Variants in DPYSL3 observed in about 807,000 individuals in gnomAD.
The protein encoded by DPYSL3 is dihydropyrimidinase-related protein 3.
DPYSL3 carries 16 observed loss-of-function variants against 66.1 expected under a neutral mutation model. The observed-to-expected ratio is 0.24, with a 90% CI of 0.16 to 0.37. The LOEUF is 0.37. Ranked by LOEUF, DPYSL3 falls within the 10% of genes least tolerant of loss-of-function variation. The pLI is 1.00. For synonymous variants in DPYSL3, 338 were observed against 345.1 expected, an observed-to-expected ratio of 0.98 and a Z score of 0.23; for missense variants, 738 against 916.2, an observed-to-expected ratio of 0.81 and a Z score of 2.51.
intron 1 of DPYSL3, among the ~76,000 whole-genome samples, chr5:147,455,124 C>G (rs934201394): frequency 6.6e-6 from 1 of 152,160 alleles, no homozygotes; most frequent in Non-Finnish European, 1.5e-5. Context: ...GATGGCAATT[C>G]TAGACATCTT....
At chr5:147,422,429 G>A (rs1297516779) in intron 2 of DPYSL3, among the ~76,000 whole-genome samples, 1 of 152,162 alleles carries the variant, frequency 6.6e-6, no homozygotes, top group Non-Finnish European at 1.5e-5. Context: ...CAACCATTGT[G>A]GAAGACAGTG....
chr5:147,417,784 T>G (rs932043622), intron 3 of DPYSL3, among the ~76,000 whole-genome samples: 6 of 152,068 alleles, frequency 3.9e-5, no homozygotes, highest in African/African-American at 7.2e-5. Flanking sequence ...GAGAAACCAC[T>G]CCTACAGCTT....
At chr5:147,411,940 T>G (rs1751862402) in intron 6 of DPYSL3, among the ~76,000 whole-genome samples, 1 of 152,152 alleles carries the variant, frequency 6.6e-6, no homozygotes, top group African/African-American at 2.4e-5. Context: ...TCGGGCTGTC[T>G]CCTCCTAGCA....
chr5:147,401,459 G>T, intron 9 of DPYSL3, 81 bp downstream of exon 9: 1 of 1,455,858 alleles, frequency 6.9e-7, no homozygotes, highest in South Asian at 1.4e-5. Context: ...TTATAGATGG[G>T]ACTGCTCCTG....
intron 1 of DPYSL3, among the ~76,000 whole-genome samples, chr5:147,496,786 T>C (rs1753520401): frequency 6.6e-6 from 1 of 151,748 alleles, no homozygotes; most frequent in Non-Finnish European, 1.5e-5. Flanking sequence ...ATAGGAACAC[T>C]TTTACACTGT....
chr5:147,460,065 C>T (rs951969391), intron 1 of DPYSL3, among the ~76,000 whole-genome samples: 13 of 151,348 alleles, frequency 8.6e-5, no homozygotes, highest in Non-Finnish European at 1.9e-4. Flanking sequence ...GAGCCAGGAT[C>T]GAGCCACTGC....
At position 147,405,945 on chromosome 5, in the gene DPYSL3, A is replaced by C; in HGVS notation, c.1033-215T>G. On this transcript the variant is annotated intron_variant, in intron 7 of 13. Transcript: ENST00000343218. ...CCCAGTGCCTCTATCCCTCACTAGT[A>C]AAATAGTATAGCACAGCATTGTCAT... 1.0e-5 allele frequency: 5 copies of C among 482,880 alleles called. 1 individual carries two copies. The South Asian group carries it at 1.8e-4, about 17-fold the overall frequency. The allele number at this position is 482,880 out of a possible 1,614,324, so 29.9% of individuals were successfully genotyped here. A position where few individuals can be genotyped will look rare whatever the true frequency, so the allele number is the denominator to read the frequency against.
chr5:147,408,127 C>T (rs796750268), intron 7 of DPYSL3, among the ~76,000 whole-genome samples: 47 of 152,238 alleles, frequency 3.1e-4, no homozygotes, highest in African/African-American at 1.1e-3. Context: ...ACCCAGGCTG[C>T]CCTTCCAAAG....
chr5:147,509,569 T>C lies in DPYSL3; in HGVS notation c.290A>G (p.Glu97Gly). The C allele has an allele frequency of 1.3e-6, 2 of 1,535,132 alleles. No homozygotes were observed. The highest frequency in any genetic ancestry group is 1.7e-6 in the Non-Finnish European group (2 of 1,146,598). ...GGGGGCGGGGGAGGCGGGCGCGGGC[T>C]CCCTGCTCTCTTCCCGGCCTTGGCC... ...RRGQGREESR[E>G]PAPASPAPAG... is the part of the protein sequence containing the mutation. Residue 97 changes from glutamate to glycine, a missense_variant, in exon 1 of 14, where the codon GAG (glutamate) becomes GGG (glycine). Coordinates refer to ENST00000343218, the MANE Select transcript of DPYSL3 (RefSeq NM_001197294.2). The surrounding 1 kb of genome is among the most constrained non-coding windows in gnomAD (Gnocchi z 5.3).
At chr5:147,499,440 A>AC (rs889619914) in intron 1 of DPYSL3, among the ~76,000 whole-genome samples, 5 of 152,102 alleles carry the variant, frequency 3.3e-5, no homozygotes. Flanking sequence ...AATCTAGAAA[A>AC]CCCTGTGCAA....
chr5:147,433,175 C>T (rs1182982375), intron 1 of DPYSL3, among the ~76,000 whole-genome samples: 2 of 152,122 alleles, frequency 1.3e-5, no homozygotes, highest in African/African-American at 2.4e-5. Flanking sequence ...AGTATAGGTC[C>T]ATATGTGTCC....
Position 147,400,581 on chromosome 5 carries a change from G to A in DPYSL3, c.1452+111C>T, listed in dbSNP as rs1367651254. The A allele has an allele frequency of 6.8e-5, 96 of 1,402,228 alleles. 1 individual carries two copies. The highest frequency in any genetic ancestry group is 2.2e-5 in the Non-Finnish European group (23 of 1,027,270). The allele number at this position is 1,402,228 out of a possible 1,614,324, so 86.9% of individuals were successfully genotyped here. On this transcript the variant is annotated intron_variant, in intron 10 of 13. Coordinates refer to ENST00000343218, the MANE Select transcript of DPYSL3 (RefSeq NM_001197294.2). ...GTTCCAGAGACATCTCAGCAAGTAC[G>A]AGATCCCATCTGCACTCGCAGTGTC... is the stretch of plus-strand genomic sequence containing the variant.
chr5:147,438,422 G>T (rs1752453365), intron 1 of DPYSL3, among the ~76,000 whole-genome samples: 1 of 152,184 alleles, frequency 6.6e-6, no homozygotes, highest in Non-Finnish European at 1.5e-5. Flanking sequence ...AGACAAGTGG[G>T]TAGTTAATCC....
rs535949550 is a variant in DPYSL3 at position 147,492,812 on chromosome 5, G to A, written c.381+16666C>T. Among the ~76,000 whole-genome samples, 64 of 152,050 alleles carry A rather than the reference G, an allele frequency of 4.2e-4. 1 individual carries two copies. The highest frequency in any genetic ancestry group is 1.9e-4 in the East Asian group (1 of 5,180). The stretch of plus-strand genomic sequence containing the variant: ...ACAAATAGAATACATCAACAAATAC[G>A]GTATATATCCATCTATAATCCATCT... On this transcript the variant is annotated intron_variant, in intron 1 of 13. Coordinates refer to ENST00000343218, the MANE Select transcript of DPYSL3 (RefSeq NM_001197294.2).
intron 1 of DPYSL3, among the ~76,000 whole-genome samples, chr5:147,438,455 T>C (rs1008912073): frequency 6.6e-6 from 1 of 152,210 alleles, no homozygotes; most frequent in African/African-American, 2.4e-5. Flanking sequence ...TTTCTTCGCC[T>C]TCAATAAAGA....
At chr5:147,400,496 T>A (rs1166830811) in intron 10 of DPYSL3, among the ~76,000 whole-genome samples, 196 bp downstream of exon 10, 2 of 152,262 alleles carry the variant, frequency 1.3e-5, no homozygotes, top group Non-Finnish European at 2.9e-5. Flanking sequence ...TCCTTCAGAA[T>A]GCTAGGCCTT....
At chr5:147,405,575 A>G in intron 8 of DPYSL3, 35 bp downstream of exon 8, 1 of 1,595,830 alleles carries the variant, frequency 6.3e-7, no homozygotes. Context: ...ACACAGTGCC[A>G]TCAGGGGCTC....
intron 1 of DPYSL3, among the ~76,000 whole-genome samples, chr5:147,497,128 T>A (rs1183458428): frequency 6.6e-6 from 1 of 151,916 alleles, no homozygotes; most frequent in East Asian, 1.9e-4. Context: ...GAAACCATCA[T>A]TCTCAGCAAA....
intron 1 of DPYSL3, among the ~76,000 whole-genome samples, chr5:147,426,928 A>G (rs960773078): frequency 2.0e-5 from 3 of 152,258 alleles, no homozygotes; most frequent in African/African-American, 7.2e-5. Flanking sequence ...CAAGGAAGAT[A>G]TGCCTATGAG....
Sources: gnomAD v4.1 joint callset for allele counts (sites outside exome capture counted in the v4.1 genomes callset) on GRCh38, gnomAD v4.1.1 for gene constraint, Gnocchi (gnomAD v3.1) non-coding constraint, MANE v1.5 for transcripts, NCBI Gene and HGNC (gene_info 2026-07-23, HGNC 2026-07-21) for gene names.